NEDD4L: variants seen among roughly 807,000 people sequenced by gnomAD.
NEDD4L encodes NEDD4 like E3 ubiquitin protein ligase.
Under a neutral mutation model 148.9 loss-of-function variants are expected in NEDD4L, and 54 were observed. That is an observed-to-expected ratio of 0.36 (90% CI 0.29 to 0.45). The LOEUF (loss-of-function observed/expected upper bound fraction) is 0.45. NEDD4L is among the 20% of genes least tolerant of loss of function. NEDD4L has a pLI of 1.00. For missense variants in NEDD4L, 856 were observed against 1,233.8 expected, an observed-to-expected ratio of 0.69 and a Z score of 4.59; for synonymous variants, 433 against 440.7, an observed-to-expected ratio of 0.98 and a Z score of 0.22.
intron 1 of NEDD4L, among the ~76,000 whole-genome samples, chr18:58,079,689 G>A (rs2083336882): frequency 6.6e-6 from 1 of 152,192 alleles, no homozygotes; most frequent in South Asian, 2.1e-4. Context: ...AATGAGAGTT[G>A]GTGGGGAGTA....
At chr18:58,384,466 C>T (rs536272169) in intron 25 of NEDD4L, among the ~76,000 whole-genome samples, 1 of 152,330 alleles carries the variant, frequency 6.6e-6, no homozygotes, top group African/African-American at 2.4e-5. Flanking sequence ...TGTCTTCCTT[C>T]AGAAAGTACA....
intron 5 of NEDD4L, among the ~76,000 whole-genome samples, chr18:58,315,309 G>C (rs1200980925): frequency 6.6e-6 from 1 of 152,052 alleles, no homozygotes; most frequent in Non-Finnish European, 1.5e-5. Flanking sequence ...CCTGAGAGGG[G>C]ACTGGTGCGT....
intron 13 of NEDD4L, among the ~76,000 whole-genome samples, chr18:58,340,269 G>A (rs545800288): frequency 2.6e-5 from 4 of 152,294 alleles, no homozygotes; most frequent in African/African-American, 9.6e-5. Context: ...GCTTCTCAGG[G>A]ATCTTCTTGT....
At chr18:58,045,261 T>C (rs1344664602) in intron 1 of NEDD4L, 1 of 397,086 alleles carries the variant, frequency 2.5e-6, no homozygotes, top group East Asian at 3.6e-5. Context: ...CCCCTCGTTT[T>C]GCAAAGTCTA....
intron 5 of NEDD4L, among the ~76,000 whole-genome samples, chr18:58,314,062 A>C (rs2057993499): frequency 1.3e-5 from 2 of 152,210 alleles, no homozygotes; most frequent in African/African-American, 4.8e-5. Context: ...TATGGTCAAT[A>C]TTCAGTGAAT....
At chr18:58,370,510 G>C in intron 23 of NEDD4L, 43 bp downstream of exon 23, 2 of 1,299,002 alleles carry the variant, frequency 1.5e-6, no homozygotes, top group Non-Finnish European at 2.2e-6. Context: ...CCGGGCACTC[G>C]TGTCTTATGA....
At chr18:58,377,209 G>A (rs1033337699) in intron 24 of NEDD4L, among the ~76,000 whole-genome samples, 2 of 152,182 alleles carry the variant, frequency 1.3e-5, no homozygotes, top group Non-Finnish European at 2.9e-5. Flanking sequence ...CTAGGTGTTA[G>A]CATGATGCCC....
At chr18:58,217,335 T>G (rs2043255666) in intron 2 of NEDD4L, among the ~76,000 whole-genome samples, 1 of 152,224 alleles carries the variant, frequency 6.6e-6, no homozygotes, top group Non-Finnish European at 1.5e-5. Context: ...GTGTCCTAGT[T>G]TCTCCTCTAC....
intron 30 of NEDD4L, among the ~76,000 whole-genome samples, chr18:58,392,416 C>T (rs1294521422): frequency 6.6e-6 from 1 of 152,238 alleles, no homozygotes; most frequent in African/African-American, 2.4e-5. Context: ...CTGCAGGAAA[C>T]GCCCTCCCTT....
At chr18:58,149,945 G>T (rs1247652101) in intron 1 of NEDD4L, among the ~76,000 whole-genome samples, 1 of 152,198 alleles carries the variant, frequency 6.6e-6, no homozygotes, top group East Asian at 1.9e-4. Flanking sequence ...ACACTCTGCT[G>T]TGGATGGTAA....
chr18:58,113,638 G>A (rs1034429957), intron 1 of NEDD4L, among the ~76,000 whole-genome samples: 1 of 152,188 alleles, frequency 6.6e-6, no homozygotes, highest in South Asian at 2.1e-4. Flanking sequence ...TGCCAGAAGA[G>A]GGGCTCATAG....
At chr18:58,350,865 A>G (rs1275007439) in intron 17 of NEDD4L, 126 bp from the exon 18 acceptor site, 20 of 666,636 alleles carry the variant, frequency 3.0e-5, no homozygotes, top group Admixed American at 5.3e-5. Context: ...TTCACGCTCA[A>G]TGCATAAATG....
At chr18:58,131,789 A>C (rs970490639) in intron 1 of NEDD4L, among the ~76,000 whole-genome samples, 1 of 151,890 alleles carries the variant, frequency 6.6e-6, no homozygotes, top group African/African-American at 2.4e-5. Context: ...GTGCGCTTCA[A>C]AGTTGGATTT....
intron 1 of NEDD4L, among the ~76,000 whole-genome samples, chr18:58,120,804 C>A (rs1357230766): frequency 6.6e-6 from 1 of 152,108 alleles, no homozygotes; most frequent in African/African-American, 2.4e-5. Context: ...AAGTCCCTTT[C>A]TACCTTCAAA....
In NEDD4L at chr18:58,325,051, TTCCTCC is replaced by T; in HGVS notation, c.578_583del (p.Pro193_Pro194del). 6.2e-7 allele frequency: 1 copy of T among 1,613,718 alleles called. No individual in the cohort carries two copies. Among genetic ancestry groups the T allele is most frequent in the East Asian group, 2.2e-5 (1 of 44,878 alleles). ...TCGGCTTCTCAGCACCAAGAGGAAC[TTCCTCC>T]TCCTCCTCTGCCTCCCGGGTGGGAA... On this transcript the variant is annotated inframe_deletion, in exon 9 of 31. Coordinates refer to ENST00000400345, the MANE Select transcript of NEDD4L (RefSeq NM_001144967.3).
At chr18:58,307,906 A>G (rs966381778) in intron 5 of NEDD4L, among the ~76,000 whole-genome samples, 1 of 152,220 alleles carries the variant, frequency 6.6e-6, no homozygotes, top group Admixed American at 6.5e-5. Context: ...AAAAAAATAT[A>G]GGATCTAGAA....
At chr18:58,267,524 T>C (rs1365012675) in intron 5 of NEDD4L, among the ~76,000 whole-genome samples, 1 of 151,934 alleles carries the variant, frequency 6.6e-6, no homozygotes, top group Non-Finnish European at 1.5e-5. Flanking sequence ...CAGATCCTGG[T>C]CCCTGGCCTG....
At chr18:58,311,293 C>T (rs769193718) in intron 5 of NEDD4L, among the ~76,000 whole-genome samples, 1 of 152,178 alleles carries the variant, frequency 6.6e-6, no homozygotes, top group Non-Finnish European at 1.5e-5. Flanking sequence ...TTCCTGTGTA[C>T]CATTTGTGGG....
chr18:58,136,839 A>G (rs886756629), intron 1 of NEDD4L, among the ~76,000 whole-genome samples: 4 of 152,226 alleles, frequency 2.6e-5, no homozygotes, highest in Admixed American at 1.3e-4. Flanking sequence ...ATGTCATTCC[A>G]CAAGTGGCCC....
Sources: gnomAD v4.1 joint callset for allele counts (sites outside exome capture counted in the v4.1 genomes callset) on GRCh38, gnomAD v4.1.1 for gene constraint, MANE v1.5 for transcripts, NCBI Gene and HGNC (gene_info 2026-07-23, HGNC 2026-07-21) for gene names.